The following TTK variants were observed in gnomAD, a reference collection of about 807,000 sequenced individuals.
The protein encoded by TTK is dual specificity protein kinase TTK.
In TTK, 59 loss-of-function variants were observed where a neutral mutation model predicts 117.3. That is an observed-to-expected ratio of 0.50 (90% CI 0.41 to 0.62). The LOEUF is 0.62. Among genes scored for constraint, TTK ranks in the 20% least tolerant of loss-of-function variants. The pLI, the probability that TTK is intolerant of heterozygous loss-of-function variation, is 0.00. For missense variants in TTK, 921 were observed against 989.4 expected (o/e 0.93, Z 0.93); for synonymous variants, 302 against 325.0 (o/e 0.93, Z 0.76).
intron 1 of TTK, among the ~76,000 whole-genome samples, chr6:80,005,480 T>A (rs559394609): frequency 2.6e-5 from 4 of 152,358 alleles, no homozygotes; most frequent in South Asian, 4.1e-4. Context: ...GAATTCTTTA[T>A]GTCTATGTCA....
Position 80,040,191 on chromosome 6 carries a change from A to C in TTK, c.2308-5A>C. On this transcript the variant is annotated splice_region_variant and splice_polypyrimidine_tract_variant and intron_variant, in intron 19 of 21. Transcript: ENST00000369798. Reference sequence around the variant, plus strand: ...TTTTCTTTTAAAATATCTTTGTTTTAATAGTGTTGTTTAAAAAGGGACCCA... The same window carrying C: ...TTTTCTTTTAAAATATCTTTGTTTTCATAGTGTTGTTTAAAAAGGGACCCA... 1 of 1,569,822 alleles carries C rather than the reference A, an allele frequency of 6.4e-7. No individual in the cohort carries two copies. The highest frequency in any genetic ancestry group is 8.6e-7 in the Non-Finnish European group (1 of 1,160,752).
At position 80,042,161 on chromosome 6, in the gene TTK, T is replaced by C; in HGVS notation, c.2533T>C (p.Ser845Pro). ...HYSGGESHNS[S>P]SSKTFEKKRG... is the part of the protein sequence containing the mutation. The stretch of plus-strand genomic sequence containing the variant: ...TAGTGGTGGTGAAAGTCATAATTCT[T>C]CATCCTCCAAGACTTTTGAAAAAAA... The change falls in exon 22 of 22, where the codon TCA becomes CCA. Residue 845 changes from serine to proline, a missense_variant. Transcript: ENST00000369798. 6.2e-7 allele frequency: 1 copy of C among 1,604,232 alleles called. No individual in the cohort carries two copies. Among genetic ancestry groups the C allele is most frequent in the South Asian group, 1.1e-5 (1 of 89,782 alleles).
intron 4 of TTK, 98 bp downstream of exon 4, chr6:80,008,590 G>A (rs1279720748): frequency 2.7e-6 from 3 of 1,091,416 alleles, no homozygotes; most frequent in Admixed American, 2.9e-5. Flanking sequence ...GAAATTTGAG[G>A]CAAAAGACAT....
intron 20 of TTK, among the ~76,000 whole-genome samples, 159 bp downstream of exon 20, chr6:80,040,439 CT>C (rs112673713): frequency 1.2e-4 from 18 of 151,782 alleles, no homozygotes; most frequent in Admixed American, 7.2e-4. Context: ...AGTAAATAAA[CT>C]TTTTTTTCTT....
intron 14 of TTK, among the ~76,000 whole-genome samples, chr6:80,034,399 C>T (rs62405994): frequency 0.11 from 17,037 of 152,192 alleles, 1,260 homozygotes; most frequent in South Asian, 0.16. Context: ...CAATAATAAA[C>T]TCATTCATGC....
intron 13 of TTK, 54 bp downstream of exon 13, chr6:80,028,065 G>C (rs879606053): frequency 2.0e-6 from 3 of 1,470,340 alleles, no homozygotes; most frequent in African/African-American, 1.5e-5. Flanking sequence ...CCGTTTTACA[G>C]CTTTTATTTT....
chr6:80,040,666 G>A lies in TTK; in HGVS notation c.2453G>A (p.Gly818Asp), dbSNP rs55901486. The A allele has an allele frequency of 9.9e-6, 16 of 1,611,844 alleles. No homozygotes were observed. The East Asian group carries it at 3.1e-4, about 32-fold the overall frequency. ...EMKYVLGQLV[G>D]LNSPNSILKA... ...AAATATGTTCTGGGCCAACTTGTTGGTCTGAATTCTCCTAACTCCATTTTG... is the reference window on the plus strand; with the variant it reads ...AAATATGTTCTGGGCCAACTTGTTGATCTGAATTCTCCTAACTCCATTTTG... The change falls in exon 21 of 22, where the codon GGT (glycine) becomes GAT (aspartate). Residue 818 changes from glycine to aspartate, a missense_variant. By Grantham distance (94) the Gly-to-Asp change is moderately conservative. Transcript: ENST00000369798.
Position 80,015,562 on chromosome 6 carries a change from C to T in TTK, c.1108+976C>T, listed in dbSNP as rs377070248. Among the ~76,000 whole-genome samples the T allele has an allele frequency of 8.3e-4, 127 of 152,202 alleles. 1 individual carries two copies. The highest frequency in any genetic ancestry group is 6.8e-3 in the Middle Eastern group (2 of 292). On this transcript the variant is annotated intron_variant, in intron 10 of 21. Coordinates refer to ENST00000369798, the MANE Select transcript of TTK (RefSeq NM_003318.5). ...CAAGAATGCCTCAGTCCCAGGCAAA[C>T]GGGGACACACACAAAAAAACATTAT...
At chr6:80,030,951 A>G (rs980861690) in intron 13 of TTK, among the ~76,000 whole-genome samples, 1 of 151,508 alleles carries the variant, frequency 6.6e-6, no homozygotes, top group East Asian at 1.9e-4. Flanking sequence ...GAGGCTGAGG[A>G]GAAGAATCGC....
intron 11 of TTK, among the ~76,000 whole-genome samples, chr6:80,024,826 CACTT>C (rs1767563261): frequency 6.6e-6 from 1 of 152,220 alleles, no homozygotes; most frequent in South Asian, 2.1e-4. Flanking sequence ...TCTCACATCT[CACTT>C]ACCATATGGC....
At chr6:80,022,792 A>C (rs113154494) in intron 11 of TTK, among the ~76,000 whole-genome samples, 1 of 152,316 alleles carries the variant, frequency 6.6e-6, no homozygotes, top group African/African-American at 2.4e-5. Flanking sequence ...TTTAATGTCT[A>C]TGGCTGCTTT....
At chr6:80,008,251 A>T in intron 3 of TTK, 135 bp from the exon 4 acceptor site, 1 of 1,034,696 alleles carries the variant, frequency 9.7e-7, no homozygotes, top group Non-Finnish European at 1.4e-6. Flanking sequence ...TTTTTTTAAA[A>T]TAACTTATTA....
chr6:80,028,297 TTTTATTTA>T (rs147216592), intron 13 of TTK, among the ~76,000 whole-genome samples: 87 of 146,678 alleles, frequency 5.9e-4, no homozygotes, highest in African/African-American at 1.6e-3. Flanking sequence ...TATTTTTTAT[TTTTATTTA>T]TTTATTTATT....
In TTK at chr6:80,035,250, ATTTG is replaced by A; in HGVS notation, c.1773-12_1773-9del. 6.4e-7 allele frequency: 1 copy of A among 1,570,930 alleles called. No homozygotes were observed. The highest frequency in any genetic ancestry group is 1.4e-5 in the African/African-American group (1 of 72,724). On this transcript the variant is annotated splice_polypyrimidine_tract_variant and intron_variant, in intron 15 of 21. Transcript: ENST00000369798. ...AGCCATTTATTGTTTTGTTGCTTTT[ATTTG>A]TTTAATTGCAGTGAAATCACGGACC...
chr6:80,011,861 A>T (rs1379900119), intron 7 of TTK, 25 bp from the exon 8 acceptor site: 1 of 1,611,910 alleles, frequency 6.2e-7, no homozygotes, highest in East Asian at 2.2e-5. Context: ...CTAGTTGGTT[A>T]TTTAATCTTT....
intron 11 of TTK, among the ~76,000 whole-genome samples, chr6:80,023,355 A>T (rs900782782): frequency 3.3e-5 from 5 of 152,244 alleles, no homozygotes; most frequent in Admixed American, 6.5e-5. Context: ...GCACTTTGGG[A>T]GGCCAAGGCG....
At chr6:80,015,804 C>T (rs191830185) in intron 10 of TTK, among the ~76,000 whole-genome samples, 2 of 152,216 alleles carry the variant, frequency 1.3e-5, no homozygotes, top group African/African-American at 4.8e-5. Flanking sequence ...AGCATATAGT[C>T]AGAACACTGC....
chr6:80,019,381 C>T (rs900885855), intron 10 of TTK, among the ~76,000 whole-genome samples: 5 of 152,164 alleles, frequency 3.3e-5, no homozygotes, highest in African/African-American at 1.2e-4. Context: ...AAAGACTATT[C>T]TGTAATTTCT....
chr6:80,014,053 A>T (rs1006672707), intron 9 of TTK, among the ~76,000 whole-genome samples: 1 of 152,140 alleles, frequency 6.6e-6, no homozygotes, highest in Non-Finnish European at 1.5e-5. Flanking sequence ...CTGGATTTAG[A>T]GTAACTACTC....
Sources: allele counts gnomAD v4.1 joint callset (sites outside exome capture counted in the v4.1 genomes callset), GRCh38; gene constraint gnomAD v4.1.1; transcripts MANE v1.5; gene names NCBI Gene and HGNC (gene_info 2026-07-23, HGNC 2026-07-21).